Variants in DNAH9 observed in about 807,000 individuals in gnomAD.
DNAH9 encodes the protein DNAH9 variant protein.
A neutral mutation model predicts 471.6 loss-of-function variants in DNAH9; 345 were observed. The ratio of observed to expected loss-of-function variants is 0.73; its 90% CI spans 0.67 to 0.80. The LOEUF (loss-of-function observed/expected upper bound fraction) is 0.80, where lower values mean the gene tolerates loss of function less well. Among genes scored for constraint, DNAH9 ranks in the 30% least tolerant of loss-of-function variants. DNAH9 has a pLI of 0.00. For synonymous variants in DNAH9, 2,093 were observed against 2,123.6 expected, an observed-to-expected ratio of 0.99 and a Z score of 0.40; for missense variants, 5,407 against 5,609.2, an observed-to-expected ratio of 0.96 and a Z score of 1.15.
intron 48 of DNAH9, among the ~76,000 whole-genome samples, chr17:11,825,745 CAA>C (rs1465054752): frequency 2.6e-5 from 4 of 152,188 alleles, no homozygotes; most frequent in African/African-American, 7.2e-5. Flanking sequence ...TGCACACACT[CAA>C]GAGAGGAATG....
At chr17:11,941,746 A>G (rs567365630) in intron 66 of DNAH9, among the ~76,000 whole-genome samples, 2 of 152,244 alleles carry the variant, frequency 1.3e-5, no homozygotes, top group Admixed American at 1.3e-4. Context: ...ATAGTGATAG[A>G]TTAGATAGAT....
chr17:11,689,852 C>T lies in DNAH9; in HGVS notation c.4030C>T (p.Arg1344Ter), dbSNP rs760026221. The change falls in exon 20 of 69, where the codon CGA (arginine) becomes TGA (stop). Residue 1344 changes from arginine (R) to a stop codon, truncating the protein, a stop_gained. Coordinates refer to ENST00000262442, the MANE Select transcript of DNAH9 (RefSeq NM_001372.4). LOFTEE classifies it high-confidence loss of function. ...LECKQFARHI[R>*]NLDKEVRAWD... Reference sequence around the variant, plus strand: ...GTGCAAACAGTTTGCCCGGCATATCCGAAACCTGGACAAGGAGGTCAGGGC... The same window carrying T: ...GTGCAAACAGTTTGCCCGGCATATCTGAAACCTGGACAAGGAGGTCAGGGC... 5.6e-6 allele frequency: 9 copies of T among 1,611,548 alleles called. No homozygotes were observed. The highest frequency in any genetic ancestry group is 1.1e-5 in the South Asian group (1 of 90,792).
intron 31 of DNAH9, among the ~76,000 whole-genome samples, chr17:11,745,690 TATCC>T (rs2075513663): frequency 6.6e-6 from 1 of 152,332 alleles, no homozygotes; most frequent in African/African-American, 2.4e-5. Flanking sequence ...TAAAAAATGA[TATCC>T]ATCAAACAAG....
intron 40 of DNAH9, 145 bp downstream of exon 40, chr17:11,783,893 G>C: frequency 1.5e-6 from 1 of 668,866 alleles, no homozygotes; most frequent in Non-Finnish European, 2.5e-6. Flanking sequence ...GCATCTCTAG[G>C]GGAAAAGAGA....
intron 40 of DNAH9, 89 bp from the exon 41 acceptor site, chr17:11,784,211 A>G (rs1968773105): frequency 3.2e-6 from 5 of 1,577,436 alleles, no homozygotes; most frequent in East Asian, 4.5e-5. Flanking sequence ...AAGGCTGTAT[A>G]AGAATTTTCT....
intron 43 of DNAH9, among the ~76,000 whole-genome samples, chr17:11,807,180 A>G (rs1198295605): frequency 6.6e-6 from 1 of 152,172 alleles, no homozygotes; most frequent in Non-Finnish European, 1.5e-5. Context: ...ATCCACGCCC[A>G]GGAAGGATTG....
At chr17:11,901,026 A>G (rs1201349413) in intron 59 of DNAH9, among the ~76,000 whole-genome samples, 2 of 152,212 alleles carry the variant, frequency 1.3e-5, no homozygotes, top group Non-Finnish European at 2.9e-5. Flanking sequence ...TTTATTACTC[A>G]GATAACATGG....
intron 28 of DNAH9, among the ~76,000 whole-genome samples, chr17:11,734,604 G>A (rs1299817460): frequency 6.6e-6 from 1 of 152,174 alleles, no homozygotes; most frequent in Non-Finnish European, 1.5e-5. Context: ...GGCCCGGTGG[G>A]GCAGAAGGAA....
intron 50 of DNAH9, among the ~76,000 whole-genome samples, chr17:11,856,537 A>G (rs1441158726): frequency 2.6e-5 from 1 of 38,474 alleles, no homozygotes; most frequent in Admixed American, 3.3e-4. Context: ...GTCTTTACTA[A>G]AAATACAAAA....
chr17:11,967,978 CAGAA>C (rs1976882534), intron 68 of DNAH9, among the ~76,000 whole-genome samples: 1 of 151,982 alleles, frequency 6.6e-6, no homozygotes, highest in Non-Finnish European at 1.5e-5. Flanking sequence ...ATATACAAAA[CAGAA>C]ACTGACAGAA....
chr17:11,880,341 T>C (rs1180783719), intron 54 of DNAH9, 141 bp downstream of exon 54: 1 of 1,112,182 alleles, frequency 9.0e-7, no homozygotes, highest in Non-Finnish European at 1.2e-6. Context: ...CCACCTTTCT[T>C]TCTTCCAGCA....
intron 4 of DNAH9, among the ~76,000 whole-genome samples, chr17:11,616,861 A>G (rs2072757198): frequency 6.6e-6 from 1 of 152,194 alleles, no homozygotes. Context: ...AAGATTCTTT[A>G]TTAGTGAATA....
chr17:11,899,497 G>A (rs772512285), intron 59 of DNAH9, among the ~76,000 whole-genome samples: 25 of 152,214 alleles, frequency 1.6e-4, no homozygotes, highest in Non-Finnish European at 2.5e-4. Context: ...AGGTTAATTA[G>A]TCATTTCCAT....
intron 22 of DNAH9, among the ~76,000 whole-genome samples, chr17:11,697,504 T>G (rs2074497356): frequency 6.6e-6 from 1 of 152,244 alleles, no homozygotes; most frequent in Middle Eastern, 3.2e-3. Flanking sequence ...CTTATATACT[T>G]GTTTTGTTAA....
At chr17:11,602,772 C>T (rs1008482456) in intron 1 of DNAH9, among the ~76,000 whole-genome samples, 1 of 152,180 alleles carries the variant, frequency 6.6e-6, no homozygotes, top group Admixed American at 6.5e-5. Context: ...CAGCCCCTCC[C>T]ATGGCCATTT....
chr17:11,744,497 C>A (rs1159946527), intron 30 of DNAH9, among the ~76,000 whole-genome samples: 1 of 152,174 alleles, frequency 6.6e-6, no homozygotes, highest in East Asian at 1.9e-4. Context: ...CCAATTCTAC[C>A]TGCTGAGTGT....
intron 20 of DNAH9, among the ~76,000 whole-genome samples, chr17:11,693,329 C>T (rs2074368983): frequency 6.8e-6 from 1 of 147,398 alleles, no homozygotes; most frequent in Non-Finnish European, 1.5e-5. Flanking sequence ...TCTGCAACCG[C>T]ACCCTCCACC....
intron 32 of DNAH9, among the ~76,000 whole-genome samples, chr17:11,751,238 A>G (rs1967136657): frequency 6.6e-6 from 1 of 151,974 alleles, no homozygotes; most frequent in African/African-American, 2.4e-5. Context: ...AGATAATTTC[A>G]AAATCATGAA....
At chr17:11,742,410 C>G in intron 30 of DNAH9, 97 bp downstream of exon 30, 4 of 1,266,106 alleles carry the variant, frequency 3.2e-6, no homozygotes, top group Non-Finnish European at 4.4e-6. Flanking sequence ...CATACTCAAG[C>G]TTTCTCATAG....
Sources: allele counts gnomAD v4.1 joint callset (sites outside exome capture counted in the v4.1 genomes callset), GRCh38; gene constraint gnomAD v4.1.1; transcripts MANE v1.5; gene names NCBI Gene and HGNC (gene_info 2026-07-23, HGNC 2026-07-21).